Variants in GDPD5 observed in about 807,000 individuals in gnomAD.
The protein encoded by GDPD5 is glycerophosphodiester phosphodiesterase 2.
A neutral mutation model predicts 75.1 loss-of-function variants in GDPD5; 48 were observed. The ratio of observed to expected loss-of-function variants is 0.64; its 90% confidence interval spans 0.51 to 0.81. The LOEUF is 0.81. Ranked by LOEUF, GDPD5 falls within the 40% of genes least tolerant of loss-of-function variation. The pLI is 0.00. For synonymous variants in GDPD5, 336 were observed against 339.0 expected (o/e 0.99, Z 0.10); for missense variants, 706 against 822.6 (o/e 0.86, Z 1.73).
chr11:75,482,215 C>T (rs1949932729), intron 2 of GDPD5, among the ~76,000 whole-genome samples: 1 of 152,164 alleles, frequency 6.6e-6, no homozygotes, highest in South Asian at 2.1e-4. Context: ...TGCGTCATGC[C>T]TCGGCCCAGA....
chr11:75,521,503 A>G (rs1941454035), intron 1 of GDPD5, among the ~76,000 whole-genome samples: 1 of 152,180 alleles, frequency 6.6e-6, no homozygotes, highest in African/African-American at 2.4e-5. Flanking sequence ...TGTGAACAAG[A>G]GTGTCTATAA....
At chr11:75,511,652 C>T (rs1166500597) in intron 1 of GDPD5, among the ~76,000 whole-genome samples, 1 of 152,156 alleles carries the variant, frequency 6.6e-6, no homozygotes, top group Non-Finnish European at 1.5e-5. Flanking sequence ...TCTGTGGCTG[C>T]CACCCAGCCA....
intron 1 of GDPD5, among the ~76,000 whole-genome samples, chr11:75,514,770 A>C (rs1007057351): frequency 2.6e-5 from 4 of 152,212 alleles, no homozygotes; most frequent in African/African-American, 9.6e-5. Context: ...AGTGGACTTC[A>C]ATTAGTCTCA....
At chr11:75,487,068 A>G (rs1448099158) in intron 2 of GDPD5, among the ~76,000 whole-genome samples, 2 of 152,188 alleles carry the variant, frequency 1.3e-5, no homozygotes, top group Non-Finnish European at 2.9e-5. Flanking sequence ...GAGACAGGAA[A>G]GATTCTGGAA....
intron 1 of GDPD5, among the ~76,000 whole-genome samples, chr11:75,514,974 C>T (rs1592164053): frequency 1.3e-5 from 2 of 152,228 alleles, no homozygotes; most frequent in African/African-American, 2.4e-5. Context: ...CTCAGAGAGG[C>T]TAAGTGACTT....
intron 2 of GDPD5, among the ~76,000 whole-genome samples, chr11:75,479,670 C>A (rs1949861246): frequency 6.6e-6 from 1 of 151,990 alleles, no homozygotes; most frequent in Non-Finnish European, 1.5e-5. Flanking sequence ...TCCCAACAAC[C>A]CCCCACCCCC....
chr11:75,482,928 G>A (rs1316220843), intron 2 of GDPD5, among the ~76,000 whole-genome samples: 1 of 152,206 alleles, frequency 6.6e-6, no homozygotes, highest in African/African-American at 2.4e-5. Context: ...AAGAGCAGGA[G>A]GCACTAGGGA....
chr11:75,498,050 G>A (rs1692134158), intron 1 of GDPD5, among the ~76,000 whole-genome samples: 2 of 151,882 alleles, frequency 1.3e-5, no homozygotes, highest in South Asian at 4.2e-4. Context: ...GTGACAGAGT[G>A]TGGACTAGCA....
intron 1 of GDPD5, among the ~76,000 whole-genome samples, chr11:75,495,446 G>A (rs958009130): frequency 2.6e-5 from 4 of 151,898 alleles, no homozygotes; most frequent in Non-Finnish European, 4.4e-5. Flanking sequence ...CAGCCTGGGT[G>A]ACAGAGTCAG....
At chr11:75,518,167 G>A (rs982103046) in intron 1 of GDPD5, among the ~76,000 whole-genome samples, 3 of 152,200 alleles carry the variant, frequency 2.0e-5, no homozygotes, top group South Asian at 4.1e-4. Flanking sequence ...GTGTGGCCTC[G>A]TCTGGCCTCT....
In GDPD5 at chr11:75,443,067, C is replaced by T. The variant is rs765026631; in HGVS notation, c.948+69G>A. Reference sequence around the variant, plus strand: ...GTCTCGAAGCTGATGGCCACCCTTGCACCTCTCACTCCTTGCAGTCCCTGC... The same window carrying T: ...GTCTCGAAGCTGATGGCCACCCTTGTACCTCTCACTCCTTGCAGTCCCTGC... On this transcript the variant is annotated intron_variant, in intron 11 of 16. Transcript: ENST00000336898. 5 of 1,535,096 alleles carry T rather than the reference C, an allele frequency of 3.3e-6. No homozygotes were observed. The Admixed American group carries it at 7.8e-5, about 24-fold the overall frequency.
At chr11:75,511,600 C>T (rs546607726) in intron 1 of GDPD5, among the ~76,000 whole-genome samples, 4 of 152,206 alleles carry the variant, frequency 2.6e-5, no homozygotes, top group South Asian at 2.1e-4. Flanking sequence ...CTAGATAGTG[C>T]GCCTGGGTCC....
intron 3 of GDPD5, among the ~76,000 whole-genome samples, chr11:75,473,710 C>T (rs1949719714): frequency 1.3e-5 from 2 of 152,196 alleles, no homozygotes; most frequent in Admixed American, 1.3e-4. Flanking sequence ...CCCGTCCCTG[C>T]ACCTGAGCCG....
chr11:75,442,317 G>A (rs1453865788), intron 12 of GDPD5, 46 bp downstream of exon 12: 3 of 1,433,466 alleles, frequency 2.1e-6, no homozygotes, highest in Non-Finnish European at 2.8e-6. Flanking sequence ...CAGGGCTCTA[G>A]CCAGGCCAGG....
chr11:75,461,478 G>A (rs1949411414), intron 4 of GDPD5, among the ~76,000 whole-genome samples: 1 of 152,148 alleles, frequency 6.6e-6, no homozygotes, highest in Non-Finnish European at 1.5e-5. Flanking sequence ...GGGAAAAGTG[G>A]ACACCCAGCT....
intron 3 of GDPD5, among the ~76,000 whole-genome samples, chr11:75,472,139 C>T (rs1466088366): frequency 2.0e-5 from 3 of 152,082 alleles, no homozygotes; most frequent in Non-Finnish European, 2.9e-5. Context: ...CTAATTGTAT[C>T]TGTAGGACAT....
At chr11:75,448,453 C>T in intron 9 of GDPD5, 1 of 984,700 alleles carries the variant, frequency 1.0e-6, no homozygotes. Flanking sequence ...TGCTGGGATG[C>T]TAACTCAGGC....
intron 12 of GDPD5, among the ~76,000 whole-genome samples, chr11:75,442,009 G>C (rs1283685981): frequency 6.6e-6 from 1 of 152,226 alleles, no homozygotes; most frequent in Non-Finnish European, 1.5e-5. Flanking sequence ...CTTCTGGCCT[G>C]CTGTCAGTAC....
intron 2 of GDPD5, among the ~76,000 whole-genome samples, chr11:75,483,442 G>A (rs1949961785): frequency 6.6e-6 from 1 of 152,112 alleles, no homozygotes; most frequent in African/African-American, 2.4e-5. Flanking sequence ...GGACGCACTG[G>A]CCTGCTCCCC....
Sources: gnomAD v4.1 joint callset for allele counts (sites outside exome capture counted in the v4.1 genomes callset) on GRCh38, gnomAD v4.1.1 for gene constraint, MANE v1.5 for transcripts, NCBI Gene and HGNC (gene_info 2026-07-23, HGNC 2026-07-21) for gene names.